Variants in CCDC83 observed in about 807,000 individuals in gnomAD.
CCDC83 encodes the protein coiled-coil domain containing 83.
A neutral mutation model predicts 50.1 loss-of-function variants in CCDC83; 54 were observed. That is an observed-to-expected ratio of 1.08 (90% CI 0.87 to 1.35). CCDC83 has a LOEUF of 1.35. CCDC83 is among the 40% of genes most tolerant of loss of function. The pLI is 0.00. For missense variants in CCDC83, 518 were observed against 473.9 expected, an observed-to-expected ratio of 1.09 and a Z score of -0.86; for synonymous variants, 161 against 153.3, an observed-to-expected ratio of 1.05 and a Z score of -0.37.
At chr11:85,901,154 T>A (rs1210522170) in intron 7 of CCDC83, among the ~76,000 whole-genome samples, 1 of 151,824 alleles carries the variant, frequency 6.6e-6, no homozygotes, top group African/African-American at 2.4e-5. Flanking sequence ...ATCACTTGAG[T>A]GCAGGAGTTT....
At chr11:85,872,434 G>A (rs1326772340) in intron 2 of CCDC83, among the ~76,000 whole-genome samples, 9 of 151,952 alleles carry the variant, frequency 5.9e-5, no homozygotes, top group Non-Finnish European at 1.2e-4. Flanking sequence ...GCAGTCAGCC[G>A]AGAACATGCA....
At position 85,916,211 on chromosome 11, in the gene CCDC83, A is replaced by G. The variant is rs760571721; in HGVS notation, c.1058A>G (p.Tyr353Cys). 3 of 1,609,554 alleles carry G rather than the reference A, an allele frequency of 1.9e-6. No homozygotes were observed. In the East Asian group the frequency reaches 6.7e-5, roughly 36 times the overall value. The change falls in exon 10 of 11, where the codon TAT becomes TGT. Residue 353 changes from tyrosine (Y) to cysteine (C), a missense_variant. Transcript: ENST00000342404. ...GACACTGATATGAAGTACTTACTAT[A>G]TGAGGATGAGAAGGATTTCAAGGTA... is the stretch of plus-strand genomic sequence containing the variant. The part of the protein sequence containing the change: ...FGDTDMKYLL[Y>C]EDEKDFKDYV...
chr11:85,866,027 C>A (rs1339507114), intron 2 of CCDC83, among the ~76,000 whole-genome samples: 1 of 151,806 alleles, frequency 6.6e-6, no homozygotes, highest in Non-Finnish European at 1.5e-5. Flanking sequence ...ACAGAAAATT[C>A]TTTTTAATAA....
intron 2 of CCDC83, among the ~76,000 whole-genome samples, chr11:85,865,897 T>C (rs1056185822): frequency 2.8e-5 from 4 of 143,818 alleles, no homozygotes; most frequent in East Asian, 4.0e-4. Context: ...AGGTTCCATC[T>C]CGAAAAAAAA....
chr11:85,903,901 A>G (rs1311152646), intron 7 of CCDC83, among the ~76,000 whole-genome samples: 1 of 152,194 alleles, frequency 6.6e-6, no homozygotes, highest in Non-Finnish European at 1.5e-5. Flanking sequence ...CAGGAGGCGG[A>G]GGTTGTAGTG....
At chr11:85,907,946 T>C (rs1302406757) in intron 7 of CCDC83, among the ~76,000 whole-genome samples, 1 of 152,208 alleles carries the variant, frequency 6.6e-6, no homozygotes, top group Non-Finnish European at 1.5e-5. Context: ...TTACAGTGTC[T>C]AACTATAGTT....
At position 85,915,509 on chromosome 11, in the gene CCDC83, A is replaced by T. The variant is rs1197596231; in HGVS notation, c.874+11A>T. 4 of 1,566,708 alleles carry T rather than the reference A, an allele frequency of 2.6e-6. No individual in the cohort carries two copies. In the South Asian group the frequency reaches 3.5e-5, roughly 14 times the overall value. On this transcript the variant is annotated intron_variant, in intron 9 of 10. Transcript: ENST00000342404. ...CAGAAACACATATAGGTATTACTTT[A>T]TTGCAATAATGATGATGATTTTTTT... is the stretch of plus-strand genomic sequence containing the variant.
chr11:85,866,760 G>T (rs917609735), intron 2 of CCDC83, among the ~76,000 whole-genome samples: 1 of 152,156 alleles, frequency 6.6e-6, no homozygotes, highest in Non-Finnish European at 1.5e-5. Context: ...AAGGACTTTA[G>T]TCAGAGGAGT....
rs1163312768 is a variant in CCDC83 at position 85,919,603 on chromosome 11, T to A, written c.*93T>A. ...TTGCCCATTTTACTTACACTTTGGC[T>A]CATTTTTAAACCAGCTGTTATTTCT... is the stretch of plus-strand genomic sequence containing the variant. On this transcript the variant is annotated 3_prime_UTR_variant, in exon 11 of 11. Transcript: ENST00000342404. 2 of 895,748 alleles carry A rather than the reference T, an allele frequency of 2.2e-6. No individual in the cohort carries two copies. Among genetic ancestry groups the A allele is most frequent in the Admixed American group, 2.8e-5 (1 of 35,876 alleles). The allele number at this position is 895,748 out of a possible 1,614,324, so 55.5% of individuals were successfully genotyped here. A position where few individuals can be genotyped will look rare whatever the true frequency, so the allele number is the denominator to read the frequency against.
intron 7 of CCDC83, among the ~76,000 whole-genome samples, chr11:85,910,491 G>A (rs1165061821): frequency 2.6e-5 from 4 of 152,206 alleles, no homozygotes; most frequent in Non-Finnish European, 4.4e-5. Flanking sequence ...ACTAGCCTGT[G>A]CTTCTCCTTT....
At chr11:85,899,286 C>A (rs2093389793) in intron 7 of CCDC83, among the ~76,000 whole-genome samples, 1 of 152,200 alleles carries the variant, frequency 6.6e-6, no homozygotes, top group Non-Finnish European at 1.5e-5. Flanking sequence ...TTGATTTGGT[C>A]TTCCTCATGA....
chr11:85,874,656 G>A (rs984151640), intron 3 of CCDC83, among the ~76,000 whole-genome samples: 3 of 152,128 alleles, frequency 2.0e-5, no homozygotes, highest in African/African-American at 7.2e-5. Flanking sequence ...TTTCCACAGT[G>A]CAACCAAATT....
chr11:85,866,062 T>C (rs1444057001), intron 2 of CCDC83, among the ~76,000 whole-genome samples: 1 of 152,198 alleles, frequency 6.6e-6, no homozygotes, highest in African/African-American at 2.4e-5. Flanking sequence ...AATGTCTCAC[T>C]CCTAGGAGCT....
intron 5 of CCDC83, among the ~76,000 whole-genome samples, chr11:85,894,370 A>G (rs1158679232): frequency 6.6e-6 from 1 of 152,212 alleles, no homozygotes; most frequent in Non-Finnish European, 1.5e-5. Flanking sequence ...ATGTTACATA[A>G]ATAAAGCACA....
Position 85,912,696 on chromosome 11 carries a change from T to C in CCDC83, c.794+1294T>C, listed in dbSNP as rs2093460396. ...CCCACCTCTAATCCTCGTCATCTGC[T>C]GCTGCTGCCTTTGGAATCATGTCTA... is the stretch of plus-strand genomic sequence containing the variant. On this transcript the variant is annotated intron_variant, in intron 8 of 10. Coordinates refer to ENST00000342404, the MANE Select transcript of CCDC83 (RefSeq NM_001286159.2). 11 of 1,612,796 alleles carry C rather than the reference T, an allele frequency of 6.8e-6. No homozygotes were observed. The highest frequency in any genetic ancestry group is 9.3e-6 in the Non-Finnish European group (11 of 1,178,732).
At chr11:85,898,532 A>G (rs888157812) in intron 6 of CCDC83, among the ~76,000 whole-genome samples, 5 of 152,252 alleles carry the variant, frequency 3.3e-5, no homozygotes, top group Non-Finnish European at 7.3e-5. Context: ...TATTACTGAC[A>G]TGCAAAATCT....
chr11:85,878,393 T>C lies in CCDC83; in HGVS notation c.181-4120T>C, dbSNP rs79122938. ...ACCATTATTCTGTTCTCCATTATTATAACGTCACTTCAGGAATGTTATACA... is the reference window on the plus strand; with the variant it reads ...ACCATTATTCTGTTCTCCATTATTACAACGTCACTTCAGGAATGTTATACA... On this transcript the variant is annotated intron_variant, in intron 3 of 10. Transcript: ENST00000342404. Among the ~76,000 whole-genome samples, 29 of 152,374 alleles carry C rather than the reference T, an allele frequency of 1.9e-4. No homozygotes were observed. The East Asian group carries it at 5.6e-3, about 29-fold the overall frequency.
In CCDC83 at chr11:85,911,147, G is replaced by A; in HGVS notation, c.673-134G>A. The A allele has an allele frequency of 4.1e-6, 3 of 727,052 alleles. No homozygotes were observed. In the South Asian group the frequency reaches 9.3e-5, roughly 22 times the overall value. 45.0% of individuals were successfully genotyped at this position (727,052 alleles called of 1,614,324 possible). ...GATTGCACCACCGCACTCCAGCCTG[G>A]GAGACAAAAGTGAAACTCCGTCTCA... On this transcript the variant is annotated intron_variant, in intron 7 of 10. Coordinates refer to ENST00000342404, the MANE Select transcript of CCDC83 (RefSeq NM_001286159.2).
At chr11:85,916,504 G>A in intron 10 of CCDC83, 1 of 371,630 alleles carries the variant, frequency 2.7e-6, no homozygotes, top group African/African-American at 2.2e-5. Context: ...AAACCTAGTG[G>A]CTTATAACAA....
Sources: allele counts gnomAD v4.1 joint callset (sites outside exome capture counted in the v4.1 genomes callset), GRCh38; gene constraint gnomAD v4.1.1; transcripts MANE v1.5; gene names NCBI Gene and HGNC (gene_info 2026-07-23, HGNC 2026-07-21).